Variants in KIZ observed in about 807,000 individuals in gnomAD.
KIZ encodes centrosomal protein kizuna.
Under a neutral mutation model 79.6 loss-of-function variants are expected in KIZ, and 68 were observed. The ratio of observed to expected loss-of-function variants is 0.85; its 90% CI spans 0.70 to 1.05. The LOEUF (loss-of-function observed/expected upper bound fraction) is 1.05. KIZ is among the 50% of genes least tolerant of loss of function. The pLI, the probability that KIZ is intolerant of heterozygous loss-of-function variation, is 0.00. For synonymous variants in KIZ, 280 were observed against 281.8 expected, an observed-to-expected ratio of 0.99 and a Z score of 0.06; for missense variants, 797 against 800.4, an observed-to-expected ratio of 1.00 and a Z score of 0.05.
intron 11 of KIZ, among the ~76,000 whole-genome samples, chr20:21,238,522 G>C (rs536995191): frequency 1.3e-4 from 20 of 152,264 alleles, no homozygotes; most frequent in African/African-American, 4.8e-4. Flanking sequence ...CACTTGCAGA[G>C]AGCCTCACTG....
chr20:21,156,760 C>T (rs1022277074), intron 4 of KIZ, among the ~76,000 whole-genome samples: 1 of 152,074 alleles, frequency 6.6e-6, no homozygotes, highest in African/African-American at 2.4e-5. Context: ...GGTAGATAGG[C>T]AGGGTGTCCC....
At chr20:21,214,495 T>C (rs777615567) in intron 7 of KIZ, 40 bp from the exon 8 acceptor site, 18 of 1,515,720 alleles carry the variant, frequency 1.2e-5, no homozygotes, top group Non-Finnish European at 1.6e-5. Flanking sequence ...GTGGCTACAG[T>C]TTGTTTTTAT....
At chr20:21,135,531 C>T (rs2032137355) in intron 2 of KIZ, among the ~76,000 whole-genome samples, 1 of 152,196 alleles carries the variant, frequency 6.6e-6, no homozygotes, top group Non-Finnish European at 1.5e-5. Context: ...TGTTGTTAAA[C>T]AACTTTGGAC....
At chr20:21,234,870 T>C (rs2036953851) in intron 11 of KIZ, among the ~76,000 whole-genome samples, 1 of 152,170 alleles carries the variant, frequency 6.6e-6, no homozygotes, top group South Asian at 2.1e-4. Context: ...GGGATTTTAC[T>C]TTAAAGCAGC....
chr20:21,132,399 A>G (rs1216039253), intron 2 of KIZ, among the ~76,000 whole-genome samples: 1 of 152,138 alleles, frequency 6.6e-6, no homozygotes, highest in Non-Finnish European at 1.5e-5. Context: ...TAGCCTCACA[A>G]GTAGCTGGGA....
At chr20:21,246,082 C>T (rs1348299956) in intron 12 of KIZ, 1 of 185,286 alleles carries the variant, frequency 5.4e-6, no homozygotes, top group Admixed American at 6.3e-5. Context: ...TTTCCCTTCT[C>T]CTCTCTGCTC....
chr20:21,185,257 G>A (rs981835980), intron 6 of KIZ, among the ~76,000 whole-genome samples: 1 of 151,842 alleles, frequency 6.6e-6, no homozygotes, highest in Non-Finnish European at 1.5e-5. Flanking sequence ...TTTTTCTGAC[G>A]GTTTTCCTTT....
At chr20:21,137,099 T>C (rs1176184707) in intron 3 of KIZ, among the ~76,000 whole-genome samples, 2 of 152,228 alleles carry the variant, frequency 1.3e-5, no homozygotes, top group Non-Finnish European at 2.9e-5. Context: ...GATTCTGTCT[T>C]GAAAGGGTTC....
intron 3 of KIZ, among the ~76,000 whole-genome samples, chr20:21,144,502 T>C (rs1353377632): frequency 6.6e-6 from 1 of 152,162 alleles, no homozygotes; most frequent in East Asian, 1.9e-4. Flanking sequence ...TATTATTTTA[T>C]CATTTGTACT....
intron 9 of KIZ, among the ~76,000 whole-genome samples, chr20:21,221,615 G>A (rs1435609365): frequency 6.6e-6 from 1 of 152,122 alleles, no homozygotes; most frequent in African/African-American, 2.4e-5. Context: ...CATTCCTCGT[G>A]GATATTCTTT....
chr20:21,205,776 C>T (rs1161143009), intron 7 of KIZ, among the ~76,000 whole-genome samples, 192 bp downstream of exon 7: 1 of 151,726 alleles, frequency 6.6e-6, no homozygotes, highest in African/African-American at 2.4e-5. Flanking sequence ...TTCTGGCCAA[C>T]ATGATGAAAC....
At chr20:21,208,188 T>A (rs2035916763) in intron 7 of KIZ, among the ~76,000 whole-genome samples, 1 of 152,222 alleles carries the variant, frequency 6.6e-6, no homozygotes, top group East Asian at 1.9e-4. Flanking sequence ...AATATTTTTT[T>A]AAATGATATT....
At chr20:21,163,226 C>T in intron 6 of KIZ, 67 bp downstream of exon 6, 2 of 1,070,612 alleles carry the variant, frequency 1.9e-6, no homozygotes, top group Non-Finnish European at 2.7e-6. Context: ...GAGACCATTC[C>T]ACTGGGAATG....
intron 11 of KIZ, among the ~76,000 whole-genome samples, chr20:21,236,780 A>C (rs1023601319): frequency 6.6e-6 from 1 of 151,634 alleles, no homozygotes; most frequent in Non-Finnish European, 1.5e-5. Flanking sequence ...AGATCACTTG[A>C]GGTCAGGAGT....
chr20:21,227,860 A>G (rs2036709118), intron 9 of KIZ, among the ~76,000 whole-genome samples: 2 of 152,234 alleles, frequency 1.3e-5, no homozygotes, highest in African/African-American at 4.8e-5. Context: ...TACTAGTTTC[A>G]GCGACCTAAA....
In KIZ at chr20:21,162,017, G is replaced by A; in HGVS notation, c.552G>A (p.Lys184=). 6.2e-7 allele frequency: 1 copy of A among 1,613,908 alleles called. No individual in the cohort carries two copies. Among genetic ancestry groups the A allele is most frequent in the Non-Finnish European group, 8.5e-7 (1 of 1,179,854 alleles). Residue 184 remains lysine (K), a synonymous_variant, in exon 5 of 13, where the codon AAG becomes AAA. Coordinates refer to ENST00000619189, the MANE Select transcript of KIZ (RefSeq NM_018474.6). The part of the protein sequence containing the change: ...STEHKSPQPT[K]NFSIPDPHSH... ...AGCACAAATCTCCCCAGCCCACAAA[G>A]AACTTTTCAATTCCTGACCCACATT...
intron 4 of KIZ, 24 bp from the exon 5 acceptor site, chr20:21,161,847 C>T: frequency 1.3e-6 from 2 of 1,564,820 alleles, no homozygotes; most frequent in Non-Finnish European, 8.7e-7. Flanking sequence ...GTATGTTTAA[C>T]TCACATCTCT....
At chr20:21,239,228 C>T (rs1447754700) in intron 11 of KIZ, among the ~76,000 whole-genome samples, 1 of 152,206 alleles carries the variant, frequency 6.6e-6, no homozygotes, top group African/African-American at 2.4e-5. Flanking sequence ...TGAGCAGAGT[C>T]TTTCTGGCCC....
chr20:21,239,962 G>A (rs1448062176), intron 11 of KIZ, among the ~76,000 whole-genome samples: 1 of 152,162 alleles, frequency 6.6e-6, no homozygotes, highest in Admixed American at 6.5e-5. Context: ...AGGCAGAGGG[G>A]AGAGATGTGA....
Sources: gnomAD v4.1 joint callset for allele counts (sites outside exome capture counted in the v4.1 genomes callset) on GRCh38, gnomAD v4.1.1 for gene constraint, MANE v1.5 for transcripts, NCBI Gene and HGNC (gene_info 2026-07-23, HGNC 2026-07-21) for gene names.